ZHX3: variants seen among roughly 807,000 people sequenced by gnomAD.
The protein encoded by ZHX3 is zinc fingers and homeoboxes protein 3.
In ZHX3, 20 loss-of-function variants were observed where a neutral mutation model predicts 64.5. The ratio of observed to expected loss-of-function variants is 0.31; its 90% CI spans 0.22 to 0.45. The LOEUF (loss-of-function observed/expected upper bound fraction) is 0.45, where lower values mean the gene tolerates loss of function less well. Ranked by LOEUF, ZHX3 falls within the 20% of genes least tolerant of loss-of-function variation. The pLI, the probability that ZHX3 is intolerant of heterozygous loss-of-function variation, is 1.00. For synonymous variants in ZHX3, 423 were observed against 461.6 expected, an observed-to-expected ratio of 0.92 and a Z score of 1.07; for missense variants, 1,041 against 1,195.8, an observed-to-expected ratio of 0.87 and a Z score of 1.91.
intron 2 of ZHX3, among the ~76,000 whole-genome samples, chr20:41,215,321 T>C (rs1170205056): frequency 6.6e-6 from 1 of 152,138 alleles, no homozygotes; most frequent in Non-Finnish European, 1.5e-5. Flanking sequence ...CAAAAGTGCA[T>C]AACTTTTTTT....
chr20:41,197,839 G>T (rs1234370177), intron 3 of ZHX3, among the ~76,000 whole-genome samples: 1 of 151,916 alleles, frequency 6.6e-6, no homozygotes, highest in Non-Finnish European at 1.5e-5. Flanking sequence ...TTACTATTTA[G>T]ACAGATTACA....
chr20:41,280,359 G>A (rs2043615546), intron 1 of ZHX3, among the ~76,000 whole-genome samples: 1 of 152,044 alleles, frequency 6.6e-6, no homozygotes, highest in South Asian at 2.1e-4. Flanking sequence ...GAGGGAAGAG[G>A]GATCTAGGCA....
chr20:41,301,119 G>A (rs1379705302), intron 1 of ZHX3, among the ~76,000 whole-genome samples: 1 of 152,184 alleles, frequency 6.6e-6, no homozygotes, highest in Non-Finnish European at 1.5e-5. Context: ...CTCGCAGGAA[G>A]CCTGGCTAAG....
chr20:41,317,381 CCGCGGG>C (rs2045319034), intron 1 of ZHX3, 122 bp downstream of exon 1: 2 of 153,112 alleles, frequency 1.3e-5, no homozygotes, highest in South Asian at 4.1e-4. Context: ...TGCGGGCCGG[CCGCGGG>C]CCAGGCGTGG....
intron 1 of ZHX3, among the ~76,000 whole-genome samples, chr20:41,288,034 T>A (rs1480780650): frequency 6.6e-6 from 1 of 152,186 alleles, no homozygotes; most frequent in African/African-American, 2.4e-5. Context: ...TTTTATTATT[T>A]ATTTATTTTT....
chr20:41,226,969 T>G lies in ZHX3; in HGVS notation c.-150-21903A>C, dbSNP rs2040310712. Among the ~76,000 whole-genome samples the G allele has an allele frequency of 6.6e-6, 1 of 152,180 alleles. No individual in the cohort carries two copies. On this transcript the variant is annotated intron_variant, in intron 2 of 3. Coordinates refer to ENST00000683867, the MANE Select transcript of ZHX3 (RefSeq NM_001384317.1). This position sits in a 1 kb window ranked among gnomAD's most constrained non-coding sequence, Gnocchi z 4.4. ...TAAAATGTTTCCTTTATGAGTACTG[T>G]TTTGAATGCTGTTAATATTTCATCA...
At chr20:41,220,642 T>C (rs2039872161) in intron 2 of ZHX3, among the ~76,000 whole-genome samples, 1 of 152,106 alleles carries the variant, frequency 6.6e-6, no homozygotes, top group African/African-American at 2.4e-5. Flanking sequence ...AACAAGATAT[T>C]TGACTTTCTA....
rs1055791680 is a variant in ZHX3 at position 41,247,558 on chromosome 20, T to C, written c.-151+21432A>G. Among the ~76,000 whole-genome samples the C allele has an allele frequency of 5.3e-5, 8 of 152,110 alleles. No individual in the cohort carries two copies. In the East Asian group the frequency reaches 1.5e-3, roughly 29 times the overall value. ...ACAGGCATTAAGTGCCTGTTAAGTG[T>C]CTTTAACAGGAGAATTAAGTAGCAT... is the stretch of plus-strand genomic sequence containing the variant. On this transcript the variant is annotated intron_variant, in intron 2 of 3. Coordinates refer to ENST00000683867, the MANE Select transcript of ZHX3 (RefSeq NM_001384317.1).
intron 2 of ZHX3, among the ~76,000 whole-genome samples, chr20:41,258,588 C>A (rs2042390846): frequency 6.6e-6 from 1 of 152,064 alleles, no homozygotes; most frequent in African/African-American, 2.4e-5. Context: ...TCGGGTTTGC[C>A]TGATGTTTTC....
At chr20:41,296,202 T>C (rs1034077003) in intron 1 of ZHX3, among the ~76,000 whole-genome samples, 1 of 146,170 alleles carries the variant, frequency 6.8e-6, no homozygotes, top group African/African-American at 2.5e-5. Context: ...TTTTTTCCTC[T>C]TCTTTTCCCT....
chr20:41,218,935 T>G (rs954530371), intron 2 of ZHX3, among the ~76,000 whole-genome samples: 3 of 145,776 alleles, frequency 2.1e-5, no homozygotes, highest in Non-Finnish European at 3.0e-5. Flanking sequence ...TTTTTTTTTT[T>G]TTTTTTTTTT....
chr20:41,240,951 A>G (rs1031325224), intron 2 of ZHX3, among the ~76,000 whole-genome samples: 1 of 152,228 alleles, frequency 6.6e-6, no homozygotes, highest in Non-Finnish European at 1.5e-5. Context: ...AATCTTGGCT[A>G]TTGTGAATAG....
intron 2 of ZHX3, among the ~76,000 whole-genome samples, chr20:41,235,955 C>A (rs896860692): frequency 3.3e-5 from 5 of 152,178 alleles, no homozygotes; most frequent in Non-Finnish European, 7.3e-5. Context: ...GCAAAAATCA[C>A]AAGCATTCCG....
At chr20:41,215,088 C>T (rs537154911) in intron 2 of ZHX3, among the ~76,000 whole-genome samples, 1 of 152,168 alleles carries the variant, frequency 6.6e-6, no homozygotes, top group Admixed American at 6.5e-5. Flanking sequence ...GAAACCCCGT[C>T]TCTACTAAAA....
At chr20:41,241,511 G>C (rs1264000403) in intron 2 of ZHX3, among the ~76,000 whole-genome samples, 2 of 152,134 alleles carry the variant, frequency 1.3e-5, no homozygotes, top group African/African-American at 4.8e-5. Context: ...TTTTTAACTT[G>C]ATGTGATTCC....
rs770780258 is a variant in ZHX3, at chr20:41,204,593, G to A, written c.324C>T (p.Thr108=). The change falls in exon 3 of 4, where the codon ACC becomes ACT. Residue 108 remains threonine (T), a synonymous_variant. Coordinates refer to ENST00000683867, the MANE Select transcript of ZHX3 (RefSeq NM_001384317.1). This position sits in a 1 kb window ranked among gnomAD's most constrained non-coding sequence, Gnocchi z 6.6. ...SEHTDFNKDP[T]FVCSGCSFLA... ...GAAAACTGCACCCACTGCATACAAAGGTTGGGTCTTTATTAAAGTCTGTGT... is the reference window on the plus strand; with the variant it reads ...GAAAACTGCACCCACTGCATACAAAAGTTGGGTCTTTATTAAAGTCTGTGT... 3 of 1,614,100 alleles carry A rather than the reference G, an allele frequency of 1.9e-6. No homozygotes were observed. The highest frequency in any genetic ancestry group is 2.5e-6 in the Non-Finnish European group (3 of 1,180,044).
In ZHX3 at chr20:41,252,086, A is replaced by G. The variant is rs534695418; in HGVS notation, c.-151+16904T>C. ...TAGGGAGGAGGAAATAGTCTTTATC[A>G]TTGCTAGCCACCATTAATGTGGATC... On this transcript the variant is annotated intron_variant, in intron 2 of 3. Transcript: ENST00000683867. Among the ~76,000 whole-genome samples, 14 of 152,304 alleles carry G rather than the reference A, an allele frequency of 9.2e-5. No homozygotes were observed. In the East Asian group the frequency reaches 2.7e-3, roughly 29 times the overall value.
At position 41,200,940 on chromosome 20, in the gene ZHX3, C is replaced by T. The variant is rs566595924; in HGVS notation, c.2860+1117G>A. ...AGAATTTTGTCCTTTTTAAGACATC[C>T]TAAGTAGAAAGCAACTGGGGTGGAG... On this transcript the variant is annotated intron_variant, in intron 3 of 3. Coordinates refer to ENST00000683867, the MANE Select transcript of ZHX3 (RefSeq NM_001384317.1). The surrounding 1 kb of genome is among the most constrained non-coding windows in gnomAD (Gnocchi z 4.2). Among the ~76,000 whole-genome samples, 2 of 152,244 alleles carry T rather than the reference C, an allele frequency of 1.3e-5. No homozygotes were observed. Among genetic ancestry groups the T allele is most frequent in the East Asian group, 3.9e-4 (2 of 5,182 alleles).
At chr20:41,266,844 CT>C (rs11327834) in intron 2 of ZHX3, among the ~76,000 whole-genome samples, 5,114 of 76,406 alleles carry the variant, frequency 0.067, 147 homozygotes, top group East Asian at 0.13. Flanking sequence ...CGTGCCCGGC[CT>C]TTTTTTTTTT....
Sources: gnomAD v4.1 joint callset for allele counts (sites outside exome capture counted in the v4.1 genomes callset) on GRCh38, gnomAD v4.1.1 for gene constraint, Gnocchi (gnomAD v3.1) non-coding constraint, MANE v1.5 for transcripts, NCBI Gene and HGNC (gene_info 2026-07-23, HGNC 2026-07-21) for gene names.